The following ESR1 variants were observed in gnomAD, a reference collection of about 807,000 sequenced individuals.
ESR1 encodes the protein estrogen receptor.
Under a neutral mutation model 52.7 loss-of-function variants are expected in ESR1, and 12 were observed. The observed-to-expected ratio is 0.23, with a 90% CI of 0.15 to 0.37. The LOEUF is 0.37. ESR1 is among the 10% of genes least tolerant of loss of function. The probability of loss-of-function intolerance (pLI) is 1.00; values close to 1 mark genes in which losing one functional copy is unlikely to be tolerated. For synonymous variants in ESR1, 305 were observed against 316.8 expected (o/e 0.96, Z 0.39); for missense variants, 584 against 779.7 (o/e 0.75, Z 2.99).
intron 3 of ESR1, among the ~76,000 whole-genome samples, chr6:151,925,874 C>T (rs1323727259): frequency 2.0e-5 from 3 of 151,844 alleles, no homozygotes; most frequent in Non-Finnish European, 4.4e-5. Flanking sequence ...AAACTTACTA[C>T]CAAATTCAAT....
chr6:151,771,274 A>T (rs1378631422), intron 2 of ESR1, among the ~76,000 whole-genome samples: 1 of 152,158 alleles, frequency 6.6e-6, no homozygotes, highest in African/African-American at 2.4e-5. Context: ...TCCTGATGGG[A>T]ATTCATGTAA....
In ESR1 at chr6:152,048,943, T is replaced by A. The variant is rs553362964; in HGVS notation, c.1236-12048T>A. ...GCAGAGAAAAACTTCATAATTGCTG[T>A]GTCTGTGTTATTCCAAAACATTTAA... On this transcript the variant is annotated intron_variant, in intron 5 of 7. Transcript: ENST00000206249. Among the ~76,000 whole-genome samples, 9 of 152,360 alleles carry A rather than the reference T, an allele frequency of 5.9e-5. No homozygotes were observed. In the South Asian group the frequency reaches 8.3e-4, roughly 14 times the overall value.
intron 4 of ESR1, among the ~76,000 whole-genome samples, chr6:151,978,173 A>T (rs73628482): frequency 0.049 from 7,388 of 152,202 alleles, 515 homozygotes; most frequent in African/African-American, 0.16. Flanking sequence ...CCAAGCAGAT[A>T]TGAAAATAAA....
intron 2 of ESR1, among the ~76,000 whole-genome samples, chr6:151,854,016 G>A (rs766879494): frequency 2.0e-5 from 3 of 152,198 alleles, no homozygotes; most frequent in South Asian, 2.1e-4. Context: ...ACCATGGTTC[G>A]TGGCCTAATT....
At chr6:151,882,037 A>C (rs1793023037) in intron 3 of ESR1, among the ~76,000 whole-genome samples, 1 of 152,166 alleles carries the variant, frequency 6.6e-6, no homozygotes. Context: ...TCTTTTCTGA[A>C]GGAGGTGAAG....
chr6:151,855,193 C>A (rs548332455), intron 2 of ESR1, among the ~76,000 whole-genome samples: 1 of 152,218 alleles, frequency 6.6e-6, no homozygotes, highest in South Asian at 2.1e-4. Context: ...GGATTACAGG[C>A]GTGAGCCACT....
At chr6:152,020,482 G>A (rs1245624596) in intron 5 of ESR1, among the ~76,000 whole-genome samples, 1 of 152,042 alleles carries the variant, frequency 6.6e-6, no homozygotes, top group African/African-American at 2.4e-5. Flanking sequence ...ACAGGATCTT[G>A]CTCTGTCACC....
chr6:151,967,412 C>A (rs557890630), intron 4 of ESR1, among the ~76,000 whole-genome samples: 1 of 152,274 alleles, frequency 6.6e-6, no homozygotes, highest in African/African-American at 2.4e-5. Context: ...TCAACTCCCC[C>A]TTATGAGTGA....
intron 3 of ESR1, among the ~76,000 whole-genome samples, chr6:151,942,539 T>A (rs1258415306): frequency 2.0e-5 from 3 of 151,696 alleles, no homozygotes; most frequent in Admixed American, 2.0e-4. Context: ...ATCTTTATTA[T>A]AATTTTTACT....
At chr6:151,917,804 G>T (rs1022249413) in intron 3 of ESR1, among the ~76,000 whole-genome samples, 1 of 152,176 alleles carries the variant, frequency 6.6e-6, no homozygotes, top group Non-Finnish European at 1.5e-5. Flanking sequence ...GGAAAGGAAC[G>T]TTGCAGTAAC....
At chr6:152,008,800 C>A (rs969010513) in intron 4 of ESR1, among the ~76,000 whole-genome samples, 1 of 151,566 alleles carries the variant, frequency 6.6e-6, no homozygotes, top group Non-Finnish European at 1.5e-5. Context: ...TGAATGTTAA[C>A]ATTTATGCAA....
chr6:152,040,844 G>A (rs1296862447), intron 5 of ESR1, among the ~76,000 whole-genome samples: 1 of 152,206 alleles, frequency 6.6e-6, no homozygotes, highest in East Asian at 1.9e-4. Flanking sequence ...AGAGAAGGCA[G>A]GGTGGCAGGA....
chr6:151,834,127 G>C (rs936559969), intron 1 of ESR1, among the ~76,000 whole-genome samples: 1 of 152,188 alleles, frequency 6.6e-6, no homozygotes. Context: ...AGCCATTGTG[G>C]AAGACAGTGT....
At chr6:152,083,803 A>G (rs1446537359) in intron 6 of ESR1, among the ~76,000 whole-genome samples, 1 of 152,222 alleles carries the variant, frequency 6.6e-6, no homozygotes, top group East Asian at 1.9e-4. Flanking sequence ...AAAGGATATG[A>G]ACACCTTTAC....
intron 3 of ESR1, among the ~76,000 whole-genome samples, chr6:151,889,750 T>C (rs1420234137): frequency 2.0e-5 from 3 of 152,192 alleles, no homozygotes; most frequent in African/African-American, 7.2e-5. Flanking sequence ...AACATTAGAT[T>C]GTTTGAGATC....
At position 152,098,087 on chromosome 6, in the gene ESR1, C is replaced by T. The variant is rs187132816; in HGVS notation, c.1554-645C>T. 2.4e-3 allele frequency among the ~76,000 whole-genome samples: 371 copies of T among 151,972 alleles called. No homozygotes were observed. The highest frequency in any genetic ancestry group is 8.5e-3 in the African/African-American group (351 of 41,452). On this transcript the variant is annotated intron_variant, in intron 7 of 7. Coordinates refer to ENST00000206249, the MANE Select transcript of ESR1 (RefSeq NM_000125.4). This position sits in a 1 kb window ranked among gnomAD's most constrained non-coding sequence, Gnocchi z 5.1. ...AGTAGGAACAGCAAGTGTAGGTCCC[C>T]TAAGTCTTGGGGGAGCTTAGTTCCT...
intron 7 of ESR1, chr6:152,096,796 T>A: frequency 2.6e-6 from 1 of 381,068 alleles, no homozygotes; most frequent in Non-Finnish European, 5.4e-6. Context: ...AAGCCATGAG[T>A]GGATTAGATG....
intron 2 of ESR1, among the ~76,000 whole-genome samples, chr6:151,856,377 C>G (rs555397222): frequency 6.6e-6 from 1 of 152,306 alleles, no homozygotes; most frequent in East Asian, 1.9e-4. Flanking sequence ...TTTTCTTCCT[C>G]TGGCTTTACT....
intron 2 of ESR1, among the ~76,000 whole-genome samples, chr6:151,780,235 C>A (rs1178787765): frequency 6.6e-6 from 1 of 151,882 alleles, no homozygotes; most frequent in Non-Finnish European, 1.5e-5. Flanking sequence ...GGAAGAATAG[C>A]ATTAGGAGAA....
Sources: gnomAD v4.1 joint callset for allele counts (sites outside exome capture counted in the v4.1 genomes callset) on GRCh38, gnomAD v4.1.1 for gene constraint, Gnocchi (gnomAD v3.1) non-coding constraint, MANE v1.5 for transcripts, NCBI Gene and HGNC (gene_info 2026-07-23, HGNC 2026-07-21) for gene names.